Variants in PHF3 observed in about 807,000 individuals in gnomAD.
PHF3 encodes PHD finger protein 3.
A neutral mutation model predicts 178.4 loss-of-function variants in PHF3; 41 were observed. The observed-to-expected ratio is 0.23, with a 90% confidence interval of 0.18 to 0.30. The LOEUF is 0.30. PHF3 is among the 10% of genes least tolerant of loss of function. The pLI is 1.00. For synonymous variants in PHF3, 842 were observed against 800.5 expected, an observed-to-expected ratio of 1.05 and a Z score of -0.88; for missense variants, 2,346 against 2,398.1, an observed-to-expected ratio of 0.98 and a Z score of 0.45.
In PHF3 at chr6:63,684,841, T is replaced by C. The variant is rs753307394; in HGVS notation, c.1119T>C (p.Cys373=). 1.2e-6 allele frequency: 2 copies of C among 1,613,972 alleles called. No individual in the cohort carries two copies. Among genetic ancestry groups the C allele is most frequent in the East Asian group, 4.5e-5 (2 of 44,874 alleles). Residue 373 remains cysteine (C), a synonymous_variant, in exon 4 of 16, where the codon TGT becomes TGC. Coordinates refer to ENST00000262043, the MANE Select transcript of PHF3 (RefSeq NM_001370348.2). ...LPSCVDEVTE[C]NLELKDTMGI... is the part of the protein sequence containing the mutation. ...GTTGTGTAGATGAAGTGACTGAATG[T>C]AATTTGGAATTGAAGGATACCATGG...
chr6:63,680,059 A>G lies in PHF3; in HGVS notation c.304A>G (p.Ile102Val), dbSNP rs1766360351. ...GVVKESGNDTIDEEELILPNR... is the reference protein window; with the variant it reads ...GVVKESGNDTVDEEELILPNR... ...TGTTAAAGAAAGTGGCAATGATACC[A>G]TTGATGAAGAAGAACTGATTTTACC... The change falls in exon 3 of 16, where the codon ATT (isoleucine) becomes GTT (valine). Residue 102 changes from isoleucine (I) to valine (V), a missense_variant. Physicochemically the swap from Ile to Val is conservative, Grantham distance 29 (BLOSUM62 3). Coordinates refer to ENST00000262043, the MANE Select transcript of PHF3 (RefSeq NM_001370348.2). The G allele has an allele frequency of 1.1e-5, 18 of 1,612,914 alleles. No individual in the cohort carries two copies. Among genetic ancestry groups the G allele is most frequent in the Non-Finnish European group, 1.5e-5 (18 of 1,179,194 alleles).
intron 2 of PHF3, among the ~76,000 whole-genome samples, chr6:63,676,147 C>A (rs1023792477): frequency 6.6e-6 from 1 of 152,164 alleles, no homozygotes; most frequent in Admixed American, 6.5e-5. Flanking sequence ...CATTTTCTCT[C>A]ACTCATCAAG....
intron 2 of PHF3, among the ~76,000 whole-genome samples, chr6:63,668,875 C>T (rs1765789907): frequency 6.6e-6 from 1 of 151,974 alleles, no homozygotes; most frequent in Non-Finnish European, 1.5e-5. Context: ...TAATTTTGGC[C>T]TTAGGACCAT....
In PHF3 at chr6:63,718,637, T is replaced by C. The variant is rs12110813; in HGVS notation, c.*4929T>C. Among the ~76,000 whole-genome samples, 1,842 of 152,096 alleles carry C rather than the reference T, an allele frequency of 0.012. 39 individuals carry two copies. The highest frequency in any genetic ancestry group is 0.042 in the African/African-American group (1,741 of 41,544). On this transcript the variant is annotated 3_prime_UTR_variant, in exon 16 of 16. Coordinates refer to ENST00000262043, the MANE Select transcript of PHF3 (RefSeq NM_001370348.2). ...TTTTATTTGAAATATATGAAGAAAA[T>C]CTGGCTATATGTGCATTTGTTTTTG...
chr6:63,711,529 CCTTT>C, intron 15 of PHF3, 53 bp from the exon 16 acceptor site: 1 of 1,479,688 alleles, frequency 6.8e-7, no homozygotes, highest in South Asian at 1.4e-5. Context: ...CAGAATTTTA[CCTTT>C]TTTTGCAATG....
In PHF3 at chr6:63,680,180, T is replaced by A; in HGVS notation, c.406+19T>A. 1 of 1,574,354 alleles carries A rather than the reference T, an allele frequency of 6.4e-7. No individual in the cohort carries two copies. Among genetic ancestry groups the A allele is most frequent in the Non-Finnish European group, 8.6e-7 (1 of 1,164,716 alleles). ...GCACAAGGTAATCCTTTGAGAGAGG[T>A]CTAGCTAGAAAATTAGAGGTATAGG... On this transcript the variant is annotated intron_variant, in intron 3 of 15. Transcript: ENST00000262043.
intron 4 of PHF3, among the ~76,000 whole-genome samples, chr6:63,689,515 G>A (rs1766901204): frequency 1.3e-5 from 2 of 152,158 alleles, no homozygotes; most frequent in African/African-American, 4.8e-5. Flanking sequence ...TAATGTTTAT[G>A]TGACGTAGAA....
chr6:63,642,083 A>G (rs558903202), intron 1 of PHF3, among the ~76,000 whole-genome samples: 1 of 152,330 alleles, frequency 6.6e-6, no homozygotes, highest in African/African-American at 2.4e-5. Context: ...GATGAAACAT[A>G]TTTTAAAGCA....
At chr6:63,649,548 A>T (rs765004923) in intron 2 of PHF3, among the ~76,000 whole-genome samples, 9 of 152,162 alleles carry the variant, frequency 5.9e-5, no homozygotes, top group Non-Finnish European at 1.0e-4. Flanking sequence ...CTGGTTTCGG[A>T]CCAGTATTTT....
At chr6:63,672,393 T>C (rs1765956772) in intron 2 of PHF3, among the ~76,000 whole-genome samples, 1 of 152,164 alleles carries the variant, frequency 6.6e-6, no homozygotes, top group Non-Finnish European at 1.5e-5. Context: ...GCCAAGTGCC[T>C]CCTTTCTGCC....
intron 2 of PHF3, among the ~76,000 whole-genome samples, chr6:63,654,800 T>G (rs1434686192): frequency 1.3e-5 from 2 of 151,910 alleles, no homozygotes; most frequent in African/African-American, 4.8e-5. Context: ...GCTGGGCATA[T>G]AGGATTTTCG....
chr6:63,703,420 C>A, intron 10 of PHF3, 116 bp from the exon 11 acceptor site: 3 of 1,049,978 alleles, frequency 2.9e-6, no homozygotes, highest in Admixed American at 3.3e-5. Flanking sequence ...AAATCAAAAA[C>A]TTATCTATGG....
intron 15 of PHF3, 56 bp from the exon 16 acceptor site, chr6:63,711,530 C>A: frequency 1.3e-6 from 2 of 1,482,678 alleles, no homozygotes; most frequent in Middle Eastern, 1.8e-4. Context: ...AGAATTTTAC[C>A]TTTTTTTGCA....
At chr6:63,663,664 A>G (rs1309057965) in intron 2 of PHF3, among the ~76,000 whole-genome samples, 1 of 152,112 alleles carries the variant, frequency 6.6e-6, no homozygotes, top group African/African-American at 2.4e-5. Flanking sequence ...TTTAGTTAGG[A>G]TTACACTCAG....
intron 2 of PHF3, among the ~76,000 whole-genome samples, chr6:63,656,269 A>G (rs1379725435): frequency 2.0e-5 from 3 of 152,180 alleles, no homozygotes; most frequent in Non-Finnish European, 4.4e-5. Context: ...TGTACTTTGC[A>G]TTGACTATTT....
rs1201001735 is a variant in PHF3, at chr6:63,713,683, C to T, written c.6095C>T (p.Thr2032Ile). ...AGGTACCACAAAGATAGGGACCACA[C>T]TGACAGAACTAAAAGCAAAAGGTAA... is the stretch of plus-strand genomic sequence containing the variant. ...RDRYHKDRDH[T>I]DRTKSKR Residue 2032 changes from threonine (T) to isoleucine (I), a missense_variant, in exon 16 of 16, where the codon ACT becomes ATT. This residue lies in a region of PHF3 where 839 missense variants were observed against 806.9 expected (regional missense o/e 1.04). Transcript: ENST00000262043. 4.5e-6 allele frequency: 7 copies of T among 1,569,080 alleles called. No homozygotes were observed. The highest frequency in any genetic ancestry group is 6.0e-6 in the Non-Finnish European group (7 of 1,165,880).
chr6:63,689,866 T>C (rs1163104541), intron 4 of PHF3, among the ~76,000 whole-genome samples: 1 of 152,178 alleles, frequency 6.6e-6, no homozygotes, highest in African/African-American at 2.4e-5. Context: ...TCACTGAAAC[T>C]ATCCCAGACT....
rs557498484 is a variant in PHF3, at chr6:63,709,158, C to G, written c.3719C>G (p.Pro1240Arg). The part of the protein sequence containing the change: ...GSPEYLTEDL[P>R]DSIQVGGRIS... ...TTTTTTTTTTAACCATAGGACCTAC[C>G]AGATAGTATTCAAGTAGGTGGCAGG... is the stretch of plus-strand genomic sequence containing the variant. The change falls in exon 14 of 16, where the codon CCA becomes CGA. Residue 1240 changes from proline (P) to arginine (R), a missense_variant. Transcript: ENST00000262043. 6.4e-7 allele frequency: 1 copy of G among 1,574,148 alleles called. No homozygotes were observed. The highest frequency in any genetic ancestry group is 1.1e-5 in the South Asian group (1 of 89,502).
intron 2 of PHF3, among the ~76,000 whole-genome samples, chr6:63,670,850 A>G (rs1224740658): frequency 1.3e-5 from 2 of 152,212 alleles, no homozygotes; most frequent in East Asian, 1.9e-4. Context: ...ATATAGTAGC[A>G]TAATAGTCTT....
Sources: gnomAD v4.1 joint callset for allele counts (sites outside exome capture counted in the v4.1 genomes callset) on GRCh38, gnomAD v4.1.1 for gene constraint, gnomAD v4.1.1 regional missense constraint, MANE v1.5 for transcripts, NCBI Gene and HGNC (gene_info 2026-07-23, HGNC 2026-07-21) for gene names.